Variants in CUX2 observed in about 807,000 individuals in gnomAD.
CUX2 encodes homeobox protein cut-like 2.
CUX2 carries 40 observed loss-of-function variants against 144.8 expected under a neutral mutation model. The observed-to-expected ratio is 0.28, with a 90% CI of 0.21 to 0.36. The LOEUF is 0.36. Among genes scored for constraint, CUX2 ranks in the 10% least tolerant of loss-of-function variants. CUX2 has a pLI of 1.00. For missense variants in CUX2, 1,615 were observed against 1,994.0 expected, an observed-to-expected ratio of 0.81 and a Z score of 3.62; for synonymous variants, 827 against 875.6, an observed-to-expected ratio of 0.94 and a Z score of 0.98.
intron 1 of CUX2, among the ~76,000 whole-genome samples, chr12:111,107,967 C>A (rs1377575538): frequency 6.6e-6 from 1 of 152,132 alleles, no homozygotes; most frequent in African/African-American, 2.4e-5. Flanking sequence ...TCAAATTTTG[C>A]CAAGTGTCCC....
intron 1 of CUX2, among the ~76,000 whole-genome samples, chr12:111,184,707 T>C (rs1373890158): frequency 1.3e-5 from 2 of 151,192 alleles, no homozygotes; most frequent in African/African-American, 4.9e-5. Context: ...TGGTGAGCTA[T>C]GACCACACCA....
At chr12:111,290,615 A>G (rs1292716307) in intron 4 of CUX2, among the ~76,000 whole-genome samples, 1 of 152,006 alleles carries the variant, frequency 6.6e-6, no homozygotes, top group Admixed American at 6.6e-5. Flanking sequence ...TTTAGTAGCA[A>G]CGGGGTTTCA....
chr12:111,213,572 C>T lies in CUX2; in HGVS notation c.64-628C>T, dbSNP rs530227946. Among the ~76,000 whole-genome samples the T allele has an allele frequency of 2.9e-4, 44 of 152,248 alleles. 1 individual carries two copies. The South Asian group carries it at 6.8e-3, about 24-fold the overall frequency. On this transcript the variant is annotated intron_variant, in intron 1 of 21. Transcript: ENST00000261726. ...AGTCTTCAATGAAATATTTCTTAGA[C>T]TTGAAGTGAACCTTAAATGATTTAC...
In CUX2 at chr12:111,035,267, C is replaced by T. The variant is rs191710405; in HGVS notation, c.63+1027C>T. On this transcript the variant is annotated intron_variant, in intron 1 of 21. Coordinates refer to ENST00000261726, the MANE Select transcript of CUX2 (RefSeq NM_015267.4). The surrounding 1 kb of genome is among the most constrained non-coding windows in gnomAD (Gnocchi z 6.0). The stretch of plus-strand genomic sequence containing the variant: ...TTCTCTCTCCTTCCCTAGGGCGACT[C>T]TTCGAAACCCCATCACTTTCTCCCC... Among the ~76,000 whole-genome samples the T allele has an allele frequency of 2.1e-3, 326 of 152,362 alleles. 1 individual carries two copies. Among genetic ancestry groups the T allele is most frequent in the Middle Eastern group, 6.8e-3 (2 of 294 alleles).
intron 1 of CUX2, among the ~76,000 whole-genome samples, chr12:111,126,747 A>G (rs1875110522): frequency 6.6e-6 from 1 of 152,284 alleles, no homozygotes; most frequent in African/African-American, 2.4e-5. Flanking sequence ...TGGCTACCCC[A>G]TGACCCAGTC....
At chr12:111,183,945 C>T (rs1879351104) in intron 1 of CUX2, among the ~76,000 whole-genome samples, 1 of 152,194 alleles carries the variant, frequency 6.6e-6, no homozygotes, top group African/African-American at 2.4e-5. Context: ...GCACCCATTG[C>T]TACCTATTGT....
chr12:111,091,331 G>A (rs968222445), intron 1 of CUX2, among the ~76,000 whole-genome samples: 10 of 152,194 alleles, frequency 6.6e-5, no homozygotes, highest in South Asian at 2.1e-4. Context: ...TGTATTTCCC[G>A]ACTCAGCCGT....
At chr12:111,338,667 C>T (rs189038561) in intron 20 of CUX2, among the ~76,000 whole-genome samples, 193 bp downstream of exon 20, 3 of 152,264 alleles carry the variant, frequency 2.0e-5, no homozygotes, top group Admixed American at 1.3e-4. Context: ...TACAGCCTGT[C>T]GCAGTGGCAG....
intron 3 of CUX2, among the ~76,000 whole-genome samples, chr12:111,249,243 C>G (rs928263338): frequency 1.3e-5 from 2 of 152,172 alleles, no homozygotes; most frequent in Non-Finnish European, 2.9e-5. Context: ...AGCTCTGCCA[C>G]TTGCTGTGTG....
At position 111,295,540 on chromosome 12, in the gene CUX2, G is replaced by T; in HGVS notation, c.637+131G>T. The T allele has an allele frequency of 1.4e-6, 1 of 738,054 alleles. No homozygotes were observed. Among genetic ancestry groups the T allele is most frequent in the Non-Finnish European group, 2.2e-6 (1 of 460,780 alleles). The allele number at this position is 738,054 out of a possible 1,614,324, so 45.7% of individuals were successfully genotyped here. On this transcript the variant is annotated intron_variant, in intron 7 of 21. Coordinates refer to ENST00000261726, the MANE Select transcript of CUX2 (RefSeq NM_015267.4). This position sits in a 1 kb window ranked among gnomAD's most constrained non-coding sequence, Gnocchi z 5.0. ...TCAAGAGGGCAAAATGGGAGTTTGG[G>T]AAGAATAATCTTACCCAGTGGGGGG...
intron 1 of CUX2, among the ~76,000 whole-genome samples, chr12:111,156,014 C>T (rs1877351003): frequency 6.6e-6 from 1 of 152,184 alleles, no homozygotes; most frequent in Non-Finnish European, 1.5e-5. Flanking sequence ...ACTGCAGCAA[C>T]CTGGATAGAA....
chr12:111,107,760 G>T (rs929117887), intron 1 of CUX2, among the ~76,000 whole-genome samples: 1 of 152,154 alleles, frequency 6.6e-6, no homozygotes, highest in African/African-American at 2.4e-5. Flanking sequence ...AAAGCTTTGG[G>T]TGTAATTTAT....
chr12:111,197,937 A>C (rs1178675218), intron 1 of CUX2, among the ~76,000 whole-genome samples: 1 of 152,210 alleles, frequency 6.6e-6, no homozygotes, highest in East Asian at 1.9e-4. Flanking sequence ...GGGGGAACCC[A>C]GTGGTTTCAT....
rs753143394 is a variant in CUX2, at chr12:111,334,577, C to T, written c.3063C>T (p.Ser1021=). Residue 1021 remains serine (S), a synonymous_variant, in exon 19 of 22, where the codon TCC becomes TCT. Transcript: ENST00000261726. The part of the protein sequence containing the change: ...ENQQPEGRSS[S]SLSGKMYSGS... Reference sequence around the variant, plus strand: ...AGCAGCCAGAGGGCCGCTCCAGCTCCTCGTTGAGCGGGAAGATGTACTCAG... The same window carrying T: ...AGCAGCCAGAGGGCCGCTCCAGCTCTTCGTTGAGCGGGAAGATGTACTCAG... 6 of 1,614,060 alleles carry T rather than the reference C, an allele frequency of 3.7e-6. No homozygotes were observed. Among genetic ancestry groups the T allele is most frequent in the Non-Finnish European group, 5.1e-6 (6 of 1,180,026 alleles).
chr12:111,263,768 C>A lies in CUX2; in HGVS notation c.230C>A (p.Ala77Asp). The stretch of plus-strand genomic sequence containing the variant: ...CTCTTGTTGTCTCCAAAGGTGGTGG[C>A]CCTTAGTAAGAGAAGTCAGGAGGCG... ...VLKSFQAEVV[A>D]LSKRSQEAEA... Residue 77 changes from alanine (A) to aspartate (D), a missense_variant, in exon 4 of 22, where the codon GCC (alanine) becomes GAC (aspartate). Ala to Asp is a moderately radical substitution (Grantham distance 126). Around this residue, in one of 12 missense-constraint regions of CUX2, gnomAD observed 295 missense variants for 400.2 expected, o/e 0.74. Transcript: ENST00000261726. This position sits in a 1 kb window ranked among gnomAD's most constrained non-coding sequence, Gnocchi z 4.0. The A allele has an allele frequency of 6.2e-7, 1 of 1,613,636 alleles. No individual in the cohort carries two copies. The highest frequency in any genetic ancestry group is 8.5e-7 in the Non-Finnish European group (1 of 1,179,644).
intron 1 of CUX2, among the ~76,000 whole-genome samples, chr12:111,211,050 G>T (rs1319071580): frequency 6.6e-6 from 1 of 152,162 alleles, no homozygotes; most frequent in Non-Finnish European, 1.5e-5. Context: ...TAATGTGTTT[G>T]TTCCATGAGA....
chr12:111,345,122 A>G (rs1277959430), intron 21 of CUX2, among the ~76,000 whole-genome samples: 1 of 151,586 alleles, frequency 6.6e-6, no homozygotes, highest in Non-Finnish European at 1.5e-5. Context: ...AGGATTTGCC[A>G]TTTTTTAAAA....
At chr12:111,232,022 CTTGAACCTTTG>C (rs1367761396) in intron 3 of CUX2, among the ~76,000 whole-genome samples, 1 of 152,058 alleles carries the variant, frequency 6.6e-6, no homozygotes, top group African/African-American at 2.4e-5. Context: ...AGGAGAATTG[CTTGAACCTTTG>C]TAAAAGAACA....
intron 3 of CUX2, among the ~76,000 whole-genome samples, chr12:111,250,760 A>G (rs1295815454): frequency 6.6e-6 from 1 of 152,190 alleles, no homozygotes; most frequent in African/African-American, 2.4e-5. Context: ...TCCTGCGTGC[A>G]TGACCTGCCA....
Sources: allele counts gnomAD v4.1 joint callset (sites outside exome capture counted in the v4.1 genomes callset), GRCh38; gene constraint gnomAD v4.1.1; regional missense constraint gnomAD v4.1.1; non-coding constraint Gnocchi (gnomAD v3.1); transcripts MANE v1.5; gene names NCBI Gene and HGNC (gene_info 2026-07-23, HGNC 2026-07-21).